The following CSF1R variants were observed in gnomAD, a reference collection of about 807,000 sequenced individuals.
CSF1R encodes the protein colony stimulating factor 1 receptor.
CSF1R carries 40 observed loss-of-function variants against 110.0 expected under a neutral mutation model. The observed-to-expected ratio is 0.36, with a 90% CI of 0.28 to 0.47. The LOEUF is 0.47. Ranked by LOEUF, CSF1R falls within the 20% of genes least tolerant of loss-of-function variation. The probability of loss-of-function intolerance (pLI) is 0.99; values close to 1 mark genes in which losing one functional copy is unlikely to be tolerated. For missense variants in CSF1R, 1,052 were observed against 1,253.0 expected (o/e 0.84, Z 2.42); for synonymous variants, 523 against 503.4 (o/e 1.04, Z -0.52).
intron 1 of CSF1R, among the ~76,000 whole-genome samples, chr5:150,095,725 G>T (rs183266616): frequency 8.7e-4 from 115 of 132,944 alleles, no homozygotes; most frequent in African/African-American, 3.2e-3. Flanking sequence ...AAAACCAAAA[G>T]CTTTTTCACT....
chr5:150,073,267 T>C, intron 6 of CSF1R, 34 bp downstream of exon 6: 1 of 1,586,420 alleles, frequency 6.3e-7, no homozygotes. Flanking sequence ...CATCTGGTTG[T>C]CGGGCTGTGT....
chr5:150,054,715 A>G (rs1234562530), intron 19 of CSF1R: 1 of 374,276 alleles, frequency 2.7e-6, no homozygotes, highest in African/African-American at 2.1e-5. Flanking sequence ...GGACAGGTGC[A>G]GTGGCTCATT....
intron 1 of CSF1R, among the ~76,000 whole-genome samples, chr5:150,097,021 G>T (rs1052910290): frequency 6.6e-6 from 1 of 152,172 alleles, no homozygotes; most frequent in Non-Finnish European, 1.5e-5. Context: ...CAGCACTTTG[G>T]GGGGCCAACG....
chr5:150,058,041 T>C (rs976278453), intron 14 of CSF1R: 6 of 365,286 alleles, frequency 1.6e-5, no homozygotes, highest in Non-Finnish European at 2.7e-5. Flanking sequence ...GGCTAATTAC[T>C]AATACTTCAG....
intron 1 of CSF1R, among the ~76,000 whole-genome samples, chr5:150,082,051 A>T (rs1005566673): frequency 7.2e-5 from 11 of 152,262 alleles, no homozygotes; most frequent in Admixed American, 2.6e-4. Context: ...GCCCTTCTAC[A>T]GGGATGTTCT....
Position 150,053,606 on chromosome 5 carries a change from G to C in CSF1R, c.*463C>G. 1 of 266,276 alleles carries C rather than the reference G, an allele frequency of 3.8e-6. No homozygotes were observed. The highest frequency in any genetic ancestry group is 7.2e-6 in the Non-Finnish European group (1 of 138,348). 16.5% of individuals were successfully genotyped at this position (266,276 alleles called of 1,614,324 possible). ...GGAGCCATCCTGCTCCAAGGGGCCT[G>C]AGCTGAGTGTGGTCTGTGAGCATCT... On this transcript the variant is annotated 3_prime_UTR_variant, in exon 21 of 21. Coordinates refer to ENST00000675795, the MANE Select transcript of CSF1R (RefSeq NM_001288705.3).
chr5:150,077,566 G>T (rs1245805890), intron 4 of CSF1R, 131 bp from the exon 5 acceptor site: 3 of 1,007,550 alleles, frequency 3.0e-6, no homozygotes, highest in Non-Finnish European at 4.5e-6. Flanking sequence ...TTGTAAAATG[G>T]GGCTAATACT....
chr5:150,070,628 G>T, intron 6 of CSF1R, 57 bp from the exon 7 acceptor site: 1 of 1,253,006 alleles, frequency 8.0e-7, no homozygotes, highest in Non-Finnish European at 1.1e-6. Context: ...GCCCCTGCCA[G>T]GATTGCAGTC....
chr5:150,094,247 C>T (rs537871424), intron 1 of CSF1R: 1 of 1,070,060 alleles, frequency 9.3e-7, no homozygotes, highest in South Asian at 1.4e-5. Flanking sequence ...CATAACAATC[C>T]TGGGTGTATA....
At position 150,078,097 on chromosome 5, in the gene CSF1R, T is replaced by C; in HGVS notation, c.729+15A>G. 1 of 1,613,922 alleles carries C rather than the reference T, an allele frequency of 6.2e-7. No individual in the cohort carries two copies. Among genetic ancestry groups the C allele is most frequent in the African/African-American group, 1.3e-5 (1 of 75,034 alleles). ...AGGATGGCCAGACTTCACCTTGTGATCTGCAGGGACTGACCTTGGTGTTGT... is the reference window on the plus strand; with the variant it reads ...AGGATGGCCAGACTTCACCTTGTGACCTGCAGGGACTGACCTTGGTGTTGT... On this transcript the variant is annotated intron_variant, in intron 4 of 20. Coordinates refer to ENST00000675795, the MANE Select transcript of CSF1R (RefSeq NM_001288705.3).
intron 18 of CSF1R, 75 bp from the exon 19 acceptor site, chr5:150,055,411 A>G (rs1757160657): frequency 3.9e-6 from 5 of 1,289,518 alleles, no homozygotes; most frequent in Non-Finnish European, 4.5e-6. Flanking sequence ...CACACATCTT[A>G]GACTGGGTTT....
At chr5:150,110,764 G>A (rs1228491400) in intron 1 of CSF1R, among the ~76,000 whole-genome samples, 1 of 152,178 alleles carries the variant, frequency 6.6e-6, no homozygotes, top group Non-Finnish European at 1.5e-5. Flanking sequence ...GTACCACAGA[G>A]TTGCTGAATA....
chr5:150,070,448 G>A lies in CSF1R; in HGVS notation c.1198+8C>T, dbSNP rs1324702822. On this transcript the variant is annotated splice_region_variant and intron_variant, in intron 7 of 20. Coordinates refer to ENST00000675795, the MANE Select transcript of CSF1R (RefSeq NM_001288705.3). Reference sequence around the variant, plus strand: ...CCGCCCCAGGTGGCGCTCGGCCCCAGCACTCACATCGAAGGGTGAGCTCAA... The same window carrying A: ...CCGCCCCAGGTGGCGCTCGGCCCCAACACTCACATCGAAGGGTGAGCTCAA... 6.4e-7 allele frequency: 1 copy of A among 1,555,990 alleles called. No individual in the cohort carries two copies. Among genetic ancestry groups the A allele is most frequent in the Middle Eastern group, 1.7e-4 (1 of 5,848 alleles).
Position 150,060,894 on chromosome 5 carries a change from A to G in CSF1R, c.1937T>C (p.Ile646Thr). The part of the protein sequence containing the change: ...IMSHLGQHEN[I>T]VNLLGACTHG... Reference sequence around the variant, plus strand: ...GGTACAGGCTCCCAGAAGGTTGACGATGTTCTCGTGCTGGCCCAGGTGGCT... The same window carrying G: ...GGTACAGGCTCCCAGAAGGTTGACGGTGTTCTCGTGCTGGCCCAGGTGGCT... Residue 646 changes from isoleucine to threonine, a missense_variant, in exon 13 of 21, where the codon ATC (isoleucine) becomes ACC (threonine). This residue lies in a region of CSF1R where 76 missense variants were observed against 133.6 expected (regional missense o/e 0.57). Coordinates refer to ENST00000675795, the MANE Select transcript of CSF1R (RefSeq NM_001288705.3). The G allele has an allele frequency of 6.2e-7, 1 of 1,611,328 alleles. No homozygotes were observed. The highest frequency in any genetic ancestry group is 1.1e-5 in the South Asian group (1 of 90,124).
At chr5:150,064,919 G>A (rs1340601824) in intron 10 of CSF1R, among the ~76,000 whole-genome samples, 1 of 152,224 alleles carries the variant, frequency 6.6e-6, no homozygotes, top group African/African-American at 2.4e-5. Context: ...GGGCTCATGG[G>A]CGTCTACCCA....
intron 19 of CSF1R, 104 bp from the exon 20 acceptor site, chr5:150,054,534 G>T: frequency 2.3e-6 from 2 of 873,356 alleles, no homozygotes; most frequent in Non-Finnish European, 3.5e-6. Flanking sequence ...CCCAAACCCA[G>T]TCAAAGTAAG....
At chr5:150,065,272 C>A (rs1430095053) in intron 10 of CSF1R, among the ~76,000 whole-genome samples, 1 of 152,136 alleles carries the variant, frequency 6.6e-6, no homozygotes, top group Non-Finnish European at 1.5e-5. Context: ...GAACAATTCC[C>A]AGTGGAATCT....
upstream of CSF1R, among the ~76,000 whole-genome samples, chr5:150,088,720 G>T (rs1219691251): frequency 6.6e-6 from 1 of 152,046 alleles, no homozygotes; most frequent in Non-Finnish European, 1.5e-5. Context: ...TTTTAGTAGA[G>T]ACAGGGTTTC....
At chr5:150,076,991 G>C (rs984299026) in intron 5 of CSF1R, 1 of 479,010 alleles carries the variant, frequency 2.1e-6, no homozygotes, top group Admixed American at 3.4e-5. Flanking sequence ...ATGAAGTCCA[G>C]TAGGGAGCTA....
Sources: gnomAD v4.1 joint callset for allele counts (sites outside exome capture counted in the v4.1 genomes callset) on GRCh38, gnomAD v4.1.1 for gene constraint, gnomAD v4.1.1 regional missense constraint, MANE v1.5 for transcripts, NCBI Gene and HGNC (gene_info 2026-07-23, HGNC 2026-07-21) for gene names.